HS6ST1: variants seen among roughly 807,000 people sequenced by gnomAD.
HS6ST1 encodes the protein heparan sulfate 6-O-sulfotransferase 1, also known as heparan-sulfate 6-O-sulfotransferase 1.
Under a neutral mutation model 25.2 loss-of-function variants are expected in HS6ST1, and 3 were observed. That is an observed-to-expected ratio of 0.12 (90% CI 0.05 to 0.31). HS6ST1 has a LOEUF of 0.31. Ranked by LOEUF, HS6ST1 falls within the 10% of genes least tolerant of loss-of-function variation. The pLI is 1.00. For missense variants in HS6ST1, 310 were observed against 609.6 expected (o/e 0.51, Z 5.18); for synonymous variants, 204 against 275.1 (o/e 0.74, Z 2.56).
At chr2:128,287,306 G>A (rs922715218) in intron 1 of HS6ST1, among the ~76,000 whole-genome samples, 1 of 152,200 alleles carries the variant, frequency 6.6e-6, no homozygotes, top group East Asian at 1.9e-4. Flanking sequence ...CAGAGAAGGT[G>A]CAGGTGAGGC....
intron 1 of HS6ST1, among the ~76,000 whole-genome samples, chr2:128,278,588 A>G (rs543482046): frequency 6.6e-6 from 1 of 152,310 alleles, no homozygotes; most frequent in South Asian, 2.1e-4. Flanking sequence ...GCAGGCACAC[A>G]GTGGATGGTC....
intron 1 of HS6ST1, among the ~76,000 whole-genome samples, chr2:128,283,261 G>GGTCACTGCAGGCCTCT (rs1693813286): frequency 6.6e-6 from 1 of 152,180 alleles, no homozygotes; most frequent in Non-Finnish European, 1.5e-5. Context: ...TCACAGCAGG[G>GGTCACTGCAGGCCTCT]GTCACTGCAG....
chr2:128,286,087 G>C (rs1220689369), intron 1 of HS6ST1, among the ~76,000 whole-genome samples: 1 of 152,238 alleles, frequency 6.6e-6, no homozygotes, highest in Non-Finnish European at 1.5e-5. Context: ...TGGCGATCTG[G>C]TGTGTGGCGT....
chr2:128,267,901 C>T lies in HS6ST1; in HGVS notation c.*261G>A, dbSNP rs1305514456. 8.5e-6 allele frequency: 5 copies of T among 587,512 alleles called. No individual in the cohort carries two copies. The highest frequency in any genetic ancestry group is 3.0e-6 in the Non-Finnish European group (1 of 329,832). The allele number at this position is 587,512 out of a possible 1,614,324, so 36.4% of individuals were successfully genotyped here. A position where few individuals can be genotyped will look rare whatever the true frequency, so the allele number is the denominator to read the frequency against. On this transcript the variant is annotated 3_prime_UTR_variant, in exon 2 of 2. Coordinates refer to ENST00000259241, the MANE Select transcript of HS6ST1 (RefSeq NM_004807.3). ...CAGGAGAGCAGCTCCAGGCACAACA[C>T]CTGCTCTGGAGGCCCTGCCCTGACC...
At chr2:128,269,574 T>C (rs1176131558) in intron 1 of HS6ST1, among the ~76,000 whole-genome samples, 1 of 152,222 alleles carries the variant, frequency 6.6e-6, no homozygotes, top group Admixed American at 6.5e-5. Context: ...GACGCTGGGC[T>C]GGAGGCGTCA....
At chr2:128,289,616 T>A (rs1460266923) in intron 1 of HS6ST1, 1 of 152,240 alleles carries the variant, frequency 6.6e-6, no homozygotes, top group African/African-American at 2.4e-5. Flanking sequence ...CTAAGGGATC[T>A]GCCATCCAGC....
intron 1 of HS6ST1, among the ~76,000 whole-genome samples, chr2:128,310,069 G>A (rs1558881361): frequency 6.6e-6 from 1 of 152,142 alleles, no homozygotes; most frequent in Admixed American, 6.5e-5. Context: ...GAGACCCACC[G>A]GCTCCAGCCA....
chr2:128,315,686 G>A (rs1279294802), intron 1 of HS6ST1, among the ~76,000 whole-genome samples: 6 of 152,122 alleles, frequency 3.9e-5, no homozygotes, highest in Admixed American at 2.0e-4. Flanking sequence ...CATCCCAACC[G>A]CCACAGCAGA....
At chr2:128,275,474 G>T (rs1693679517) in intron 1 of HS6ST1, among the ~76,000 whole-genome samples, 1 of 152,206 alleles carries the variant, frequency 6.6e-6, no homozygotes, top group Non-Finnish European at 1.5e-5. Context: ...TGTCTGGAGA[G>T]GTTGGAAAGA....
intron 1 of HS6ST1, among the ~76,000 whole-genome samples, chr2:128,302,663 A>G (rs1694150458): frequency 6.6e-6 from 1 of 151,980 alleles, no homozygotes; most frequent in African/African-American, 2.4e-5. Context: ...CTCAAGCTGC[A>G]CTTGGGATGC....
chr2:128,281,983 G>C (rs1323662745), intron 1 of HS6ST1, among the ~76,000 whole-genome samples: 2 of 152,232 alleles, frequency 1.3e-5, no homozygotes, highest in Non-Finnish European at 2.9e-5. Context: ...TGTCCACCTG[G>C]ACCCAGGCTG....
chr2:128,290,495 A>ATT (rs1693934932), intron 1 of HS6ST1, among the ~76,000 whole-genome samples: 1 of 152,216 alleles, frequency 6.6e-6, no homozygotes, highest in Non-Finnish European at 1.5e-5. Context: ...CCAATTGAGC[A>ATT]TATAAAAGAT....
chr2:128,293,001 G>A (rs1693979235), intron 1 of HS6ST1, among the ~76,000 whole-genome samples: 1 of 152,162 alleles, frequency 6.6e-6, no homozygotes, highest in South Asian at 2.1e-4. Context: ...CCCTGGGTCT[G>A]GGGTCCTTGC....
rs751946612 is a variant in HS6ST1 at position 128,318,046 on chromosome 2, C to A, written c.518G>T (p.Arg173Leu). 2 of 1,513,472 alleles carry A rather than the reference C, an allele frequency of 1.3e-6. No individual in the cohort carries two copies. The highest frequency in any genetic ancestry group is 1.2e-5 in the South Asian group (1 of 81,116). The allele number at this position is 1,513,472 out of a possible 1,614,324, so 93.8% of individuals were successfully genotyped here. ...VLDRRDSAALRTPRKFYYITL... is the reference protein window; with the variant it reads ...VLDRRDSAALLTPRKFYYITL... ...CCGCCCGGGCGCTCACCTGGGCGTG[C>A]GCAGCGCGGCGGAGTCGCGGCGGTC... is the stretch of plus-strand genomic sequence containing the variant. Residue 173 changes from arginine to leucine, a missense_variant, in exon 1 of 2, where the codon CGC (arginine) becomes CTC (leucine). By Grantham distance (102) the Arg-to-Leu change is moderately radical. Around this residue, in one of 5 missense-constraint regions of HS6ST1, gnomAD observed 98 missense variants for 270.3 expected, o/e 0.36. Transcript: ENST00000259241. This position sits in a 1 kb window ranked among gnomAD's most constrained non-coding sequence, Gnocchi z 5.7.
intron 1 of HS6ST1, among the ~76,000 whole-genome samples, 197 bp downstream of exon 1, chr2:128,317,840 C>T (rs1376462124): frequency 6.6e-6 from 1 of 152,192 alleles, no homozygotes; most frequent in Non-Finnish European, 1.5e-5. Flanking sequence ...GGTCAGAAAG[C>T]GCGGTGACAG....
chr2:128,276,415 C>T (rs1236351471), intron 1 of HS6ST1, among the ~76,000 whole-genome samples: 2 of 152,106 alleles, frequency 1.3e-5, no homozygotes, highest in African/African-American at 4.8e-5. Flanking sequence ...GGATGACAGG[C>T]GTGAGCCACT....
chr2:128,292,506 T>G (rs933895009), intron 1 of HS6ST1, among the ~76,000 whole-genome samples: 6 of 152,142 alleles, frequency 3.9e-5, no homozygotes, highest in Non-Finnish European at 7.4e-5. Context: ...TCCCAGAAGC[T>G]GGAAGGAACC....
At chr2:128,300,300 T>C (rs759797533) in intron 1 of HS6ST1, among the ~76,000 whole-genome samples, 8 of 151,870 alleles carry the variant, frequency 5.3e-5, no homozygotes, top group Non-Finnish European at 1.0e-4. Flanking sequence ...ACAGCTACCA[T>C]CCCTACCTGG....
rs1693527856 is a variant in HS6ST1, at chr2:128,267,032, TAGTTGAGAATCTGAAAGCTCGAGTCCC to T, written c.*1103_*1129del. The T allele has an allele frequency of 6.6e-6, 1 of 152,168 alleles. No individual in the cohort carries two copies. Among genetic ancestry groups the T allele is most frequent in the Admixed American group, 6.5e-5 (1 of 15,274 alleles). The allele number at this position is 152,168 out of a possible 1,614,324, so 9.4% of individuals were successfully genotyped here. A position where few individuals can be genotyped will look rare whatever the true frequency, so the allele number is the denominator to read the frequency against. On this transcript the variant is annotated 3_prime_UTR_variant, in exon 2 of 2. Transcript: ENST00000259241. ...CCACCTACAGCTGTTTTGCCAAGGC[TAGTTGAGAATCTGAAAGCTCGAGTCCC>T]AGTTCCTGGCCATACAGAGCCACTG...
Sources: gnomAD v4.1 joint callset for allele counts (sites outside exome capture counted in the v4.1 genomes callset) on GRCh38, gnomAD v4.1.1 for gene constraint, gnomAD v4.1.1 regional missense constraint, Gnocchi (gnomAD v3.1) non-coding constraint, MANE v1.5 for transcripts, NCBI Gene and HGNC (gene_info 2026-07-23, HGNC 2026-07-21) for gene names.